CYFIP1: variants seen among roughly 807,000 people sequenced by gnomAD.
CYFIP1 encodes the protein cytoplasmic FMR1 interacting protein 1, also known as cytoplasmic FMR1-interacting protein 1.
Under a neutral mutation model 163.5 loss-of-function variants are expected in CYFIP1, and 58 were observed. The ratio of observed to expected loss-of-function variants is 0.35; its 90% CI spans 0.29 to 0.44. The LOEUF (loss-of-function observed/expected upper bound fraction) is 0.44. Among genes scored for constraint, CYFIP1 ranks in the 20% least tolerant of loss-of-function variants. CYFIP1 has a pLI of 1.00. For missense variants in CYFIP1, 1,338 were observed against 1,653.8 expected, an observed-to-expected ratio of 0.81 and a Z score of 3.31; for synonymous variants, 663 against 660.7, an observed-to-expected ratio of 1.00 and a Z score of -0.05.
At chr15:22,880,740 G>A (rs1446590268) in intron 25 of CYFIP1, among the ~76,000 whole-genome samples, 1 of 152,166 alleles carries the variant, frequency 6.6e-6, no homozygotes, top group Non-Finnish European at 1.5e-5. Flanking sequence ...TGTCCCAGCA[G>A]GTCTTGCCCG....
At position 22,918,800 on chromosome 15, in the gene CYFIP1, T is replaced by G; in HGVS notation, c.1418A>C (p.Asn473Thr). ...VLMGRMESVF[N>T]HAIRHTVYAA... ...ATAGACGGTGTGCCGGATGGCGTGG[T>G]TGAACACGCTCTCCATCCTGCCCAT... Residue 473 changes from asparagine (N) to threonine (T), a missense_variant, in exon 14 of 31, where the codon AAC (asparagine) becomes ACC (threonine). Coordinates refer to ENST00000617928, the MANE Select transcript of CYFIP1 (RefSeq NM_014608.6). 6.2e-7 allele frequency: 1 copy of G among 1,613,358 alleles called. No homozygotes were observed. Among genetic ancestry groups the G allele is most frequent in the Non-Finnish European group, 8.5e-7 (1 of 1,179,622 alleles).
chr15:22,873,704 T>TCC lies in CYFIP1; in HGVS notation c.3234_3235dup (p.Asp1079GlyfsTer4). 1 of 1,613,290 alleles carries TCC rather than the reference T, an allele frequency of 6.2e-7. No homozygotes were observed. Among genetic ancestry groups the TCC allele is most frequent in the Non-Finnish European group, 8.5e-7 (1 of 1,179,334 alleles). On this transcript the variant is annotated frameshift_variant, in exon 29 of 31. Coordinates refer to ENST00000617928, the MANE Select transcript of CYFIP1 (RefSeq NM_014608.6). LOFTEE classifies it high-confidence loss of function. ...GCAGAGGCGCTCCTTTGTCAGCAGG[T>TCC]CCCCCTCTCTTGCGATGGCAATTTG... is the stretch of plus-strand genomic sequence containing the variant.
chr15:22,915,316 G>A (rs918823503), intron 16 of CYFIP1, among the ~76,000 whole-genome samples: 16 of 151,934 alleles, frequency 1.1e-4, no homozygotes, highest in Admixed American at 5.2e-4. Flanking sequence ...TAGAGATGGG[G>A]GTCTCGCCAT....
At chr15:22,891,265 A>G (rs1338854264) in intron 23 of CYFIP1, among the ~76,000 whole-genome samples, 2 of 152,022 alleles carry the variant, frequency 1.3e-5, no homozygotes, top group Non-Finnish European at 2.9e-5. Flanking sequence ...TCTCTACCAA[A>G]AATACAAAAA....
chr15:22,908,518 C>CTTTTTTTTTTTTTTTTTTTTTTTTTT (rs58565266), intron 21 of CYFIP1, among the ~76,000 whole-genome samples: 1 of 75,480 alleles, frequency 1.3e-5, no homozygotes, highest in African/African-American at 6.0e-5. Context: ...GAAGATATTT[C>CTTTTTTTTTTTTTTTTTTTTTTTTTT]TTTTTTTTTT....
In CYFIP1 at chr15:22,913,815, G is replaced by A. The variant is rs550105569; in HGVS notation, c.1985+911C>T. 3.3e-5 allele frequency among the ~76,000 whole-genome samples: 5 copies of A among 152,162 alleles called. No homozygotes were observed. In the South Asian group the frequency reaches 1.0e-3, roughly 32 times the overall value. ...TCACGCCACCCCAATGCTGTGCAAC[G>A]AGCCATCAGAGGCTCTGCCCACACA... On this transcript the variant is annotated intron_variant, in intron 17 of 30. Coordinates refer to ENST00000617928, the MANE Select transcript of CYFIP1 (RefSeq NM_014608.6).
chr15:22,972,528 A>G (rs889632770), intron 1 of CYFIP1, among the ~76,000 whole-genome samples: 1 of 152,212 alleles, frequency 6.6e-6, no homozygotes, highest in Non-Finnish European at 1.5e-5. Context: ...CCAATGGAAC[A>G]GAATAGAGCC....
chr15:22,881,657 C>A (rs1424758617), intron 25 of CYFIP1, among the ~76,000 whole-genome samples, 189 bp downstream of exon 25: 1 of 152,162 alleles, frequency 6.6e-6, no homozygotes, highest in Non-Finnish European at 1.5e-5. Flanking sequence ...TCAACTCTTG[C>A]AGGCTGACCT....
In CYFIP1 at chr15:22,980,129, C is replaced by G. The variant is rs1204792236; in HGVS notation, c.-7+158G>C. On this transcript the variant is annotated intron_variant, in intron 1 of 30. Transcript: ENST00000617928. ...TGGGGGACGCGGGGACCAGGACGAT[C>G]CCGGAGGCCGCGCCGCCGGGGAGGC... 3.0e-4 allele frequency among the ~76,000 whole-genome samples: 38 copies of G among 126,416 alleles called. 1 individual carries two copies. In the South Asian group the frequency reaches 0.011, roughly 36 times the overall value. 82.9% of individuals were successfully genotyped at this position (126,416 alleles called of 152,430 possible).
chr15:22,881,755 G>A, intron 25 of CYFIP1, 91 bp downstream of exon 25: 3 of 1,252,476 alleles, frequency 2.4e-6, no homozygotes, highest in South Asian at 1.3e-5. Context: ...TTCCCACATG[G>A]CAAATCTAAT....
intron 6 of CYFIP1, among the ~76,000 whole-genome samples, chr15:22,940,393 G>A (rs1369701359): frequency 6.6e-6 from 1 of 152,182 alleles, no homozygotes; most frequent in Admixed American, 6.5e-5. Flanking sequence ...CAAGGACTAG[G>A]CCATGAGATA....
At chr15:22,965,443 A>T (rs970521709) in intron 1 of CYFIP1, among the ~76,000 whole-genome samples, 3 of 152,202 alleles carry the variant, frequency 2.0e-5, no homozygotes, top group African/African-American at 7.2e-5. Context: ...ATGTTTACGT[A>T]AACTTGGATA....
chr15:22,927,958 G>A lies in CYFIP1; in HGVS notation c.1181C>T (p.Ala394Val), dbSNP rs374831208. The change falls in exon 12 of 31, where the codon GCG becomes GTG. Residue 394 changes from alanine to valine, a missense_variant. Coordinates refer to ENST00000617928, the MANE Select transcript of CYFIP1 (RefSeq NM_014608.6). ...CGACAACAGCTGCAGGCCCTGCAGCGCCAGGTCGAAGAGCTTGCGGTACTC... is the reference window on the plus strand; with the variant it reads ...CGACAACAGCTGCAGGCCCTGCAGCACCAGGTCGAAGAGCTTGCGGTACTC... ...DAEYRKLFDLALQGLQLLSQW... is the reference protein window; with the variant it reads ...DAEYRKLFDLVLQGLQLLSQW... 8.1e-6 allele frequency: 13 copies of A among 1,605,144 alleles called. No homozygotes were observed. The highest frequency in any genetic ancestry group is 3.3e-5 in the South Asian group (3 of 89,930).
At chr15:22,902,123 T>A (rs141651700) in intron 22 of CYFIP1, among the ~76,000 whole-genome samples, 40 of 152,310 alleles carry the variant, frequency 2.6e-4, no homozygotes, top group African/African-American at 9.6e-4. Context: ...ATGAAATTGG[T>A]TTCCAGATAA....
intron 23 of CYFIP1, among the ~76,000 whole-genome samples, chr15:22,883,514 A>AT (rs1396705313): frequency 6.6e-6 from 1 of 152,136 alleles, no homozygotes; most frequent in Admixed American, 6.5e-5. Flanking sequence ...TGCATAATTT[A>AT]TTTTAAAAAA....
rs2060478325 is a variant in CYFIP1 at position 22,903,741 on chromosome 15, G to A, written c.2553C>T (p.Phe851=). 2 of 1,614,106 alleles carry A rather than the reference G, an allele frequency of 1.2e-6. No individual in the cohort carries two copies. The highest frequency in any genetic ancestry group is 1.7e-6 in the Non-Finnish European group (2 of 1,180,046). The change falls in exon 22 of 31, where the codon TTC becomes TTT. Residue 851 remains phenylalanine (F), a synonymous_variant. Transcript: ENST00000617928. ...LHVFWELNYD[F]LPNYCYNGST... Reference sequence around the variant, plus strand: ...AGCCGTTGTAGCAGTAGTTGGGCAGGAAGTCATAGTTGAGCTCCCAGAAGA... The same window carrying A: ...AGCCGTTGTAGCAGTAGTTGGGCAGAAAGTCATAGTTGAGCTCCCAGAAGA...
rs781707040 is a variant in CYFIP1, at chr15:22,943,340, C to T, written c.402G>A (p.Glu134=). ...GGCGCCTCACTTCCCCGCAGAAACG[C>T]TCAATGGCATTTCTCTGTGCAGAGG... ...NFMYFQRNAI[E]RFCGEVRRLC... is the part of the protein sequence containing the mutation. Residue 134 remains glutamate (E), a synonymous_variant, in exon 6 of 31, where the codon GAG becomes GAA. Transcript: ENST00000617928. The T allele has an allele frequency of 2.5e-6, 4 of 1,613,976 alleles. No homozygotes were observed. The African/African-American group carries it at 4.0e-5, about 16-fold the overall frequency.
Position 22,934,311 on chromosome 15 carries a change from C to T in CYFIP1, c.901-418G>A, listed in dbSNP as rs553565730. On this transcript the variant is annotated intron_variant, in intron 9 of 30. Coordinates refer to ENST00000617928, the MANE Select transcript of CYFIP1 (RefSeq NM_014608.6). Reference sequence around the variant, plus strand: ...ACATCATTCTCCTGCCTCAGGCTCCCGAGTAGCTGGGACTACAGGCGCCCG... The same window carrying T: ...ACATCATTCTCCTGCCTCAGGCTCCTGAGTAGCTGGGACTACAGGCGCCCG... 3.3e-3 allele frequency among the ~76,000 whole-genome samples: 492 copies of T among 149,100 alleles called. 5 individuals carry two copies. Among genetic ancestry groups the T allele is most frequent in the African/African-American group, 0.011 (458 of 40,604 alleles).
chr15:22,892,340 C>T (rs1285929729), intron 23 of CYFIP1, among the ~76,000 whole-genome samples: 1 of 152,194 alleles, frequency 6.6e-6, no homozygotes, highest in Non-Finnish European at 1.5e-5. Flanking sequence ...CAAGCCAAGC[C>T]ACCCCCAGCG....
Sources: gnomAD v4.1 joint callset for allele counts (sites outside exome capture counted in the v4.1 genomes callset) on GRCh38, gnomAD v4.1.1 for gene constraint, MANE v1.5 for transcripts, NCBI Gene and HGNC (gene_info 2026-07-23, HGNC 2026-07-21) for gene names.